Variants in PIK3AP1 observed in about 807,000 individuals in gnomAD.
PIK3AP1 encodes the protein phosphoinositide 3-kinase adapter protein 1.
A neutral mutation model predicts 88.1 loss-of-function variants in PIK3AP1; 21 were observed. That is an observed-to-expected ratio of 0.24 (90% confidence interval 0.17 to 0.34). The LOEUF is 0.34. Ranked by LOEUF, PIK3AP1 falls within the 10% of genes least tolerant of loss-of-function variation. The pLI is 1.00. For missense variants in PIK3AP1, 828 were observed against 1,035.7 expected, an observed-to-expected ratio of 0.80 and a Z score of 2.75; for synonymous variants, 398 against 400.0, an observed-to-expected ratio of 1.00 and a Z score of 0.06.
At position 96,633,149 on chromosome 10, in the gene PIK3AP1, GA is replaced by G. The variant is rs1843269599; in HGVS notation, c.1376-4657del. On this transcript the variant is annotated intron_variant, in intron 8 of 16. Coordinates refer to ENST00000339364, the MANE Select transcript of PIK3AP1 (RefSeq NM_152309.3). ...GGTATGCCAGAGTCAATGCCCTCAG[GA>G]AAGCCCAAAGAATGCTGTCCCTTTC... 4.3e-6 allele frequency: 6 copies of G among 1,401,882 alleles called. No homozygotes were observed. The South Asian group carries it at 8.8e-5, about 21-fold the overall frequency. The allele number at this position is 1,401,882 out of a possible 1,614,324, so 86.8% of individuals were successfully genotyped here. A position where few individuals can be genotyped will look rare whatever the true frequency, so the allele number is the denominator to read the frequency against.
intron 3 of PIK3AP1, among the ~76,000 whole-genome samples, chr10:96,653,479 CTTTTTTTTTTT>C (rs748930022): frequency 1.6e-4 from 10 of 61,860 alleles, no homozygotes; most frequent in Admixed American, 5.6e-4. Flanking sequence ...ACTTTATACA[CTTTTTTTTTTT>C]TTTTTTTTTT....
At chr10:96,603,716 T>A in intron 15 of PIK3AP1, 3 of 297,066 alleles carry the variant, frequency 1.0e-5, no homozygotes, top group Non-Finnish European at 1.9e-5. Flanking sequence ...ACACACCACA[T>A]ATATATATAT....
chr10:96,685,518 A>T (rs1313425921), intron 2 of PIK3AP1, among the ~76,000 whole-genome samples: 1 of 152,218 alleles, frequency 6.6e-6, no homozygotes, highest in Non-Finnish European at 1.5e-5. Context: ...GCAAGGAAAG[A>T]GGGGAGATGT....
chr10:96,630,000 A>T (rs1187209817), intron 8 of PIK3AP1, among the ~76,000 whole-genome samples: 1 of 151,562 alleles, frequency 6.6e-6, no homozygotes, highest in Non-Finnish European at 1.5e-5. Context: ...AGGAGATATA[A>T]GAAATTAATA....
chr10:96,709,538 G>A, intron 2 of PIK3AP1, 29 bp downstream of exon 2: 1 of 1,568,584 alleles, frequency 6.4e-7, no homozygotes, highest in Non-Finnish European at 8.7e-7. Context: ...CTTTTCTAGG[G>A]CTTGCTTATC....
Position 96,709,717 on chromosome 10 carries a change from G to A in PIK3AP1, c.280C>T (p.Pro94Ser), listed in dbSNP as rs1469971703. ...LLPLLQRAFH[P>S]PHRVVRLLCG... ...AGCAGCCTGACCACGCGGTGCGGAG[G>A]ATGGAAAGCTCTCTGCAGCAGGGGC... is the stretch of plus-strand genomic sequence containing the variant. Residue 94 changes from proline (P) to serine (S), a missense_variant, in exon 2 of 17, where the codon CCT (proline) becomes TCT (serine). Around this residue, in one of 3 missense-constraint regions of PIK3AP1, gnomAD observed 610 missense variants for 760.1 expected, o/e 0.80. Transcript: ENST00000339364. The A allele has an allele frequency of 2.2e-5, 36 of 1,614,110 alleles. No individual in the cohort carries two copies. Among genetic ancestry groups the A allele is most frequent in the Non-Finnish European group, 2.8e-5 (33 of 1,180,044 alleles).
At chr10:96,648,595 A>G in intron 7 of PIK3AP1, 64 bp downstream of exon 7, 1 of 1,500,510 alleles carries the variant, frequency 6.7e-7, no homozygotes, top group East Asian at 2.5e-5. Flanking sequence ...ATTTTGGGTG[A>G]AAGGGCAGCC....
rs780834951 is a variant in PIK3AP1 at position 96,628,380 on chromosome 10, C to T, written c.1471+18G>A. The T allele has an allele frequency of 8.9e-6, 14 of 1,568,838 alleles. No individual in the cohort carries two copies. In the East Asian group the frequency reaches 2.0e-4, roughly 23 times the overall value. ...CTCTTTTGCTCTTTTGGCTTCCCTG[C>T]TCATGGCTATGACTTACCTTCTAAA... is the stretch of plus-strand genomic sequence containing the variant. On this transcript the variant is annotated intron_variant, in intron 9 of 16. Coordinates refer to ENST00000339364, the MANE Select transcript of PIK3AP1 (RefSeq NM_152309.3).
intron 3 of PIK3AP1, among the ~76,000 whole-genome samples, chr10:96,653,614 A>G (rs950887582): frequency 6.8e-6 from 1 of 147,540 alleles, no homozygotes; most frequent in Non-Finnish European, 1.5e-5. Flanking sequence ...CAGCCTCCCT[A>G]GTAGCTGAGA....
At chr10:96,660,997 C>T (rs1463829170) in intron 2 of PIK3AP1, among the ~76,000 whole-genome samples, 1 of 152,074 alleles carries the variant, frequency 6.6e-6, no homozygotes, top group Non-Finnish European at 1.5e-5. Flanking sequence ...CCAGCCTGGC[C>T]AACATGGTGA....
At chr10:96,684,335 C>T (rs966060891) in intron 2 of PIK3AP1, among the ~76,000 whole-genome samples, 2 of 152,142 alleles carry the variant, frequency 1.3e-5, no homozygotes, top group Non-Finnish European at 2.9e-5. Context: ...ACAAGAAAAA[C>T]GCTAGTCCAG....
At position 96,651,233 on chromosome 10, in the gene PIK3AP1, TG is replaced by T; in HGVS notation, c.988+14del. 2 of 1,614,226 alleles carry T rather than the reference TG, an allele frequency of 1.2e-6. No individual in the cohort carries two copies. Among genetic ancestry groups the T allele is most frequent in the Non-Finnish European group, 1.7e-6 (2 of 1,180,030 alleles). Reference sequence around the variant, plus strand: ...CAGCCCACGTTGGTTTCCTGAGGTTTGACTGTCAACTTACTTGTCATCATAT... The same window carrying T: ...CAGCCCACGTTGGTTTCCTGAGGTTTACTGTCAACTTACTTGTCATCATAT... On this transcript the variant is annotated intron_variant, in intron 6 of 16. Transcript: ENST00000339364.
intron 2 of PIK3AP1, among the ~76,000 whole-genome samples, chr10:96,667,709 A>G (rs1383976543): frequency 6.6e-6 from 1 of 152,220 alleles, no homozygotes; most frequent in African/African-American, 2.4e-5. Flanking sequence ...AAAAAAAAAT[A>G]AAAGTGTACA....
At chr10:96,614,844 G>A (rs10882828) in intron 13 of PIK3AP1, among the ~76,000 whole-genome samples, 46,116 of 152,106 alleles carry the variant, frequency 0.3, 7,313 homozygotes, top group Admixed American at 0.38. Context: ...TCTGCACACT[G>A]GGGACTCCAC....
In PIK3AP1 at chr10:96,620,131, G is replaced by A. The variant is rs138500034; in HGVS notation, c.1941+221C>T. Among the ~76,000 whole-genome samples the A allele has an allele frequency of 2.8e-3, 425 of 152,230 alleles. 2 individuals carry two copies. Among genetic ancestry groups the A allele is most frequent in the African/African-American group, 0.01 (417 of 41,528 alleles). ...CTTTGTTCCTGATCTCAAGCCTCAT[G>A]GTACCTGGAAAAGCTACCCAGCTCT... On this transcript the variant is annotated intron_variant, in intron 12 of 16. Transcript: ENST00000339364.
At chr10:96,664,190 TA>T (rs1356561211) in intron 2 of PIK3AP1, among the ~76,000 whole-genome samples, 1 of 152,172 alleles carries the variant, frequency 6.6e-6, no homozygotes, top group Non-Finnish European at 1.5e-5. Flanking sequence ...GAAAACAACC[TA>T]AAAGACTATT....
intron 16 of PIK3AP1, among the ~76,000 whole-genome samples, chr10:96,597,105 A>G (rs1226781429): frequency 6.6e-6 from 1 of 151,752 alleles, no homozygotes; most frequent in East Asian, 1.9e-4. Flanking sequence ...TCACTGAGTG[A>G]CTGAGCTTTA....
intron 1 of PIK3AP1, among the ~76,000 whole-genome samples, chr10:96,712,591 C>T (rs1314600726): frequency 6.6e-6 from 1 of 152,170 alleles, no homozygotes; most frequent in East Asian, 1.9e-4. Flanking sequence ...CATAACTATG[C>T]AACTGACATT....
rs541880014 is a variant in PIK3AP1 at position 96,661,441 on chromosome 10, C to T, written c.431-4507G>A. Among the ~76,000 whole-genome samples, 159 of 152,146 alleles carry T rather than the reference C, an allele frequency of 1.0e-3. 5 individuals are homozygous for T. In the South Asian group the frequency reaches 0.032, roughly 30 times the overall value. On this transcript the variant is annotated intron_variant, in intron 2 of 16. Coordinates refer to ENST00000339364, the MANE Select transcript of PIK3AP1 (RefSeq NM_152309.3). The stretch of plus-strand genomic sequence containing the variant: ...GAATCCTAATATAAACTCTGGCCTT[C>T]GGGTGAGTGATAATGATGCATCAAT...
Sources: gnomAD v4.1 joint callset for allele counts (sites outside exome capture counted in the v4.1 genomes callset) on GRCh38, gnomAD v4.1.1 for gene constraint, gnomAD v4.1.1 regional missense constraint, MANE v1.5 for transcripts, NCBI Gene and HGNC (gene_info 2026-07-23, HGNC 2026-07-21) for gene names.